The following RBMS1 variants were observed in gnomAD, a reference collection of about 807,000 sequenced individuals.
RBMS1 encodes RNA-binding motif, single-stranded-interacting protein 1.
A neutral mutation model predicts 62.3 loss-of-function variants in RBMS1; 17 were observed. The observed-to-expected ratio is 0.27, with a 90% CI of 0.19 to 0.41. The LOEUF is 0.41. Ranked by LOEUF, RBMS1 falls within the 10% of genes least tolerant of loss-of-function variation. RBMS1 has a pLI of 1.00. For missense variants in RBMS1, 334 were observed against 504.5 expected, an observed-to-expected ratio of 0.66 and a Z score of 3.24; for synonymous variants, 172 against 170.0, an observed-to-expected ratio of 1.01 and a Z score of -0.09.
At chr2:160,312,585 C>A (rs939597182) in intron 4 of RBMS1, among the ~76,000 whole-genome samples, 2 of 152,000 alleles carry the variant, frequency 1.3e-5, no homozygotes, top group Admixed American at 1.3e-4. Flanking sequence ...TATAGAACTA[C>A]TAAAAAGTAG....
chr2:160,451,151 T>C (rs940355793), intron 1 of RBMS1, among the ~76,000 whole-genome samples: 6 of 115,780 alleles, frequency 5.2e-5, no homozygotes, highest in Admixed American at 1.1e-4. Context: ...AGCAAGACCA[T>C]GCTTCAGAAA....
At chr2:160,426,356 A>G (rs1173036634) in intron 1 of RBMS1, among the ~76,000 whole-genome samples, 2 of 150,654 alleles carry the variant, frequency 1.3e-5, no homozygotes, top group Non-Finnish European at 3.0e-5. Context: ...GGAAAGAGGG[A>G]AGGAGAGAGG....
At chr2:160,386,153 T>G (rs1694561682) in intron 1 of RBMS1, among the ~76,000 whole-genome samples, 1 of 152,358 alleles carries the variant, frequency 6.6e-6, no homozygotes, top group African/African-American at 2.4e-5. Flanking sequence ...CTAATACTCA[T>G]TTATAGTCAA....
chr2:160,424,673 A>G (rs1418430308), intron 1 of RBMS1, among the ~76,000 whole-genome samples: 1 of 152,216 alleles, frequency 6.6e-6, no homozygotes, highest in Admixed American at 6.5e-5. Context: ...GATTAAAAAA[A>G]TACATATTTG....
intron 1 of RBMS1, among the ~76,000 whole-genome samples, chr2:160,392,668 C>G (rs1022185037): frequency 2.6e-5 from 4 of 152,128 alleles, no homozygotes; most frequent in Non-Finnish European, 5.9e-5. Flanking sequence ...GGTGGGAGAA[C>G]TGCTTAAGCT....
At position 160,284,796 on chromosome 2, in the gene RBMS1, T is replaced by C. The variant is rs181086244; in HGVS notation, c.879A>G (p.Ala293=). The change falls in exon 9 of 14, where the codon GCA becomes GCG. Residue 293 remains alanine, a synonymous_variant. Transcript: ENST00000348849. The stretch of plus-strand genomic sequence containing the variant: ...AAACCTGGTAGGCAGATACAGGAGA[T>C]GCAATATAGGGTGTAATAGAAGTTT... ...ITQTSITPYI[A]SPVSAYQVQS... The C allele has an allele frequency of 4.4e-5, 71 of 1,603,360 alleles. No homozygotes were observed. The East Asian group carries it at 4.5e-4, about 10-fold the overall frequency.
chr2:160,444,231 C>A (rs1338004195), intron 1 of RBMS1, among the ~76,000 whole-genome samples: 1 of 152,086 alleles, frequency 6.6e-6, no homozygotes, highest in African/African-American at 2.4e-5. Flanking sequence ...AAAACACACT[C>A]TATTCCCTTA....
chr2:160,311,209 A>AAAATCT (rs1553505365), intron 4 of RBMS1, among the ~76,000 whole-genome samples: 101 of 57,730 alleles, frequency 1.7e-3, no homozygotes, highest in Middle Eastern at 0.01. Flanking sequence ...AAAAAAAAAA[A>AAAATCT]ATCTATCTAT....
chr2:160,422,852 G>A (rs1181320935), intron 1 of RBMS1, among the ~76,000 whole-genome samples: 2 of 151,998 alleles, frequency 1.3e-5, no homozygotes, highest in Non-Finnish European at 2.9e-5. Flanking sequence ...TACCTTTACT[G>A]CTGTATAGCA....
chr2:160,474,807 A>G (rs954767971), intron 1 of RBMS1, among the ~76,000 whole-genome samples: 8 of 152,238 alleles, frequency 5.3e-5, no homozygotes, highest in Admixed American at 5.2e-4. Context: ...AGGTAGGCAA[A>G]AAGTAGGCTT....
At chr2:160,289,850 T>A (rs1032246646) in intron 6 of RBMS1, among the ~76,000 whole-genome samples, 1 of 151,810 alleles carries the variant, frequency 6.6e-6, no homozygotes, top group African/African-American at 2.4e-5. Flanking sequence ...TAATGTTTTA[T>A]TCATTACAAA....
At chr2:160,406,073 A>G (rs1695688036) in intron 1 of RBMS1, among the ~76,000 whole-genome samples, 1 of 152,184 alleles carries the variant, frequency 6.6e-6, no homozygotes. Flanking sequence ...CATATCCTTC[A>G]GCCGAGTCAT....
rs1178164180 is a variant in RBMS1, at chr2:160,274,463, T to C, written c.*309A>G. The C allele has an allele frequency of 6.7e-6, 1 of 149,036 alleles. No individual in the cohort carries two copies. The highest frequency in any genetic ancestry group is 1.5e-5 in the Non-Finnish European group (1 of 66,542). 9.2% of individuals were successfully genotyped at this position (149,036 alleles called of 1,614,324 possible). A position where few individuals can be genotyped will look rare whatever the true frequency, so the allele number is the denominator to read the frequency against. On this transcript the variant is annotated 3_prime_UTR_variant, in exon 14 of 14. Coordinates refer to ENST00000348849, the MANE Select transcript of RBMS1 (RefSeq NM_016836.4). Reference sequence around the variant, plus strand: ...AGAAAATTGAAGTTTTCTTTTCTTTTTTTTTTTCTTTTTCTTTTTTTGCAT... The same window carrying C: ...AGAAAATTGAAGTTTTCTTTTCTTTCTTTTTTTCTTTTTCTTTTTTTGCAT...
chr2:160,386,857 C>T (rs1386955051), intron 1 of RBMS1, among the ~76,000 whole-genome samples: 1 of 152,218 alleles, frequency 6.6e-6, no homozygotes, highest in African/African-American at 2.4e-5. Flanking sequence ...TCTTTTTATA[C>T]ACCTAGTCAT....
At chr2:160,286,275 G>C (rs1268474194) in intron 7 of RBMS1, among the ~76,000 whole-genome samples, 1 of 143,814 alleles carries the variant, frequency 7.0e-6, no homozygotes, top group African/African-American at 2.6e-5. Context: ...ACTCCAGCCT[G>C]GGCAACAGAG....
Position 160,493,554 on chromosome 2 carries a change from C to CTCCTCCTCCTCCTCCTCCTCT in RBMS1, c.-192_-191insAGAGGAGGAGGAGGAGGAGGA. On this transcript the variant is annotated 5_prime_UTR_variant, in exon 1 of 14. Coordinates refer to ENST00000348849, the MANE Select transcript of RBMS1 (RefSeq NM_016836.4). ...CCTCCTCCTCCTCTTCCTCCTCCTC[C>CTCCTCCTCCTCCTCCTCCTCT]TCCTCCTCCTCCTCCTCTTCCTCCT... 2 of 619,838 alleles carry CTCCTCCTCCTCCTCCTCCTCT rather than the reference C, an allele frequency of 3.2e-6. No individual in the cohort carries two copies. The highest frequency in any genetic ancestry group is 1.9e-5 in the South Asian group (1 of 53,940). The allele number at this position is 619,838 out of a possible 1,614,324, so 38.4% of individuals were successfully genotyped here.
intron 4 of RBMS1, among the ~76,000 whole-genome samples, chr2:160,311,214 A>ATCTCTCTCTCTCTC (rs1382938671): frequency 2.2e-4 from 13 of 60,256 alleles, no homozygotes; most frequent in African/African-American, 6.9e-4. Context: ...AAAAAAATCT[A>ATCTCTCTCTCTCTC]TCTATCTATC....
chr2:160,390,607 G>A (rs1694809273), intron 1 of RBMS1, among the ~76,000 whole-genome samples: 1 of 148,788 alleles, frequency 6.7e-6, no homozygotes, highest in African/African-American at 2.5e-5. Flanking sequence ...GAGGTGGGAA[G>A]ACCGCTTAAG....
chr2:160,447,751 T>C (rs1400587840), intron 1 of RBMS1, among the ~76,000 whole-genome samples: 4 of 152,238 alleles, frequency 2.6e-5, no homozygotes, highest in Non-Finnish European at 5.9e-5. Flanking sequence ...ATTGCTAAAA[T>C]GGTACTTGAA....
Sources: gnomAD v4.1 joint callset for allele counts (sites outside exome capture counted in the v4.1 genomes callset) on GRCh38, gnomAD v4.1.1 for gene constraint, MANE v1.5 for transcripts, NCBI Gene and HGNC (gene_info 2026-07-23, HGNC 2026-07-21) for gene names.